The following EVA1C variants were observed in gnomAD, a reference collection of about 807,000 sequenced individuals.
EVA1C encodes the protein eva-1 homolog C, also known as protein eva-1 homolog C.
In EVA1C, 25 loss-of-function variants were observed where a neutral mutation model predicts 45.4. The ratio of observed to expected loss-of-function variants is 0.55; its 90% CI spans 0.40 to 0.77. EVA1C has a LOEUF of 0.77. EVA1C is among the 30% of genes least tolerant of loss of function. The pLI is 0.00. For synonymous variants in EVA1C, 190 were observed against 221.2 expected (o/e 0.86, Z 1.25); for missense variants, 479 against 554.8 (o/e 0.86, Z 1.37).
chr21:32,453,013 C>G, intron 1 of EVA1C: 1 of 309,674 alleles, frequency 3.2e-6, no homozygotes, highest in Non-Finnish European at 6.0e-6. Flanking sequence ...AGTGCCTGTT[C>G]TCACTAAGGT....
intron 1 of EVA1C, among the ~76,000 whole-genome samples, chr21:32,434,653 T>C (rs2034864982): frequency 6.7e-6 from 1 of 148,746 alleles, no homozygotes; most frequent in South Asian, 2.1e-4. Context: ...TATATAGATA[T>C]AGATATGGAA....
chr21:32,437,891 C>G (rs11911964), intron 1 of EVA1C, among the ~76,000 whole-genome samples: 24,305 of 152,202 alleles, frequency 0.16, 2,358 homozygotes, highest in East Asian at 0.27. Context: ...CTTTTGCTCT[C>G]TAATGGCATC....
At chr21:32,430,354 C>T (rs564659831) in intron 1 of EVA1C, among the ~76,000 whole-genome samples, 7 of 152,244 alleles carry the variant, frequency 4.6e-5, no homozygotes, top group African/African-American at 1.7e-4. Flanking sequence ...ACAGGACCCG[C>T]CAGCAATACC....
At chr21:32,468,231 T>C (rs900348163) in intron 4 of EVA1C, among the ~76,000 whole-genome samples, 7 of 151,798 alleles carry the variant, frequency 4.6e-5, no homozygotes, top group Middle Eastern at 6.3e-3. Flanking sequence ...TAGCCAGGCA[T>C]GGTGGCGGGC....
At chr21:32,477,335 C>A (rs1227479053) in intron 4 of EVA1C, among the ~76,000 whole-genome samples, 4 of 152,150 alleles carry the variant, frequency 2.6e-5, no homozygotes, top group African/African-American at 9.7e-5. Flanking sequence ...GATTTCATTA[C>A]CCCGGCAACC....
In EVA1C at chr21:32,514,811, C is replaced by T; in HGVS notation, c.950-3C>T. The T allele has an allele frequency of 6.5e-7, 1 of 1,540,170 alleles. No homozygotes were observed. The highest frequency in any genetic ancestry group is 8.8e-7 in the Non-Finnish European group (1 of 1,142,390). On this transcript the variant is annotated splice_region_variant and splice_polypyrimidine_tract_variant and intron_variant, in intron 7 of 7. Coordinates refer to ENST00000300255, the MANE Select transcript of EVA1C (RefSeq NM_058187.5). The stretch of plus-strand genomic sequence containing the variant: ...CTCCTGACATGTTCTCTTCCTCCTG[C>T]AGCCCACCCGGAGAGAGCTGCCCTG...
chr21:32,480,098 AG>A (rs2036723183), intron 4 of EVA1C, among the ~76,000 whole-genome samples: 1 of 152,106 alleles, frequency 6.6e-6, no homozygotes, highest in South Asian at 2.1e-4. Flanking sequence ...TTCAGCTGTA[AG>A]ATTATTCTAC....
intron 5 of EVA1C, among the ~76,000 whole-genome samples, chr21:32,499,328 C>T (rs1303036987): frequency 6.6e-6 from 1 of 152,208 alleles, no homozygotes; most frequent in African/African-American, 2.4e-5. Context: ...AAGCAATTTG[C>T]AGCAGCTGAG....
intron 2 of EVA1C, 52 bp downstream of exon 2, chr21:32,453,560 T>C (rs2035666942): frequency 2.3e-6 from 3 of 1,280,764 alleles, no homozygotes; most frequent in Admixed American, 3.7e-5. Context: ...CACACACTCT[T>C]TCTCTCTCTC....
intron 4 of EVA1C, among the ~76,000 whole-genome samples, chr21:32,486,723 T>C (rs190553431): frequency 7.2e-5 from 11 of 152,350 alleles, no homozygotes; most frequent in Non-Finnish European, 1.5e-4. Context: ...GTAACACTTA[T>C]GTAGGTTGTA....
At chr21:32,481,996 T>C (rs1039117194) in intron 4 of EVA1C, among the ~76,000 whole-genome samples, 13 of 152,206 alleles carry the variant, frequency 8.5e-5, no homozygotes, top group Non-Finnish European at 1.8e-4. Context: ...AAAGTACCAT[T>C]TCCTACCTGA....
chr21:32,452,518 G>A lies in EVA1C; in HGVS notation c.161-794G>A, dbSNP rs2035619644. 6.6e-6 allele frequency: 1 copy of A among 152,226 alleles called. No homozygotes were observed. Among genetic ancestry groups the A allele is most frequent in the Non-Finnish European group, 1.5e-5 (1 of 68,058 alleles). The allele number at this position is 152,226 out of a possible 1,614,324, so 9.4% of individuals were successfully genotyped here. A position where few individuals can be genotyped will look rare whatever the true frequency, so the allele number is the denominator to read the frequency against. Reference sequence around the variant, plus strand: ...AGCCCCAGTGGGCATGTGTTACAGTGGTCTCCTTCAGTTTTGCCATCTGCA... The same window carrying A: ...AGCCCCAGTGGGCATGTGTTACAGTAGTCTCCTTCAGTTTTGCCATCTGCA... On this transcript the variant is annotated intron_variant, in intron 1 of 7. Transcript: ENST00000300255. This position sits in a 1 kb window ranked among gnomAD's most constrained non-coding sequence, Gnocchi z 4.0.
chr21:32,511,984 G>T (rs1355688074), intron 7 of EVA1C, among the ~76,000 whole-genome samples: 3 of 151,832 alleles, frequency 2.0e-5, no homozygotes, highest in African/African-American at 4.8e-5. Context: ...ATTTTACAGC[G>T]ATATGATATT....
intron 1 of EVA1C, among the ~76,000 whole-genome samples, chr21:32,418,627 C>T (rs1056818939): frequency 1.3e-5 from 2 of 152,148 alleles, no homozygotes; most frequent in African/African-American, 2.4e-5. Flanking sequence ...AACAAAGTTG[C>T]CCAAGACCAC....
intron 1 of EVA1C, among the ~76,000 whole-genome samples, chr21:32,426,930 T>C (rs1172809997): frequency 6.6e-6 from 1 of 152,216 alleles, no homozygotes; most frequent in Non-Finnish European, 1.5e-5. Context: ...ACTCAGTCCA[T>C]CTGAATTTCC....
In EVA1C at chr21:32,422,496, A is replaced by ATATT. The variant is rs2034318884; in HGVS notation, c.160+9485_160+9486insTTTA. On this transcript the variant is annotated intron_variant, in intron 1 of 7. Transcript: ENST00000300255. ...TTCAGAGTTAAGCATTCCAAGGAAG[A>ATATT]TAAATAAAATAAATTTATACCTGAA... is the stretch of plus-strand genomic sequence containing the variant. Among the ~76,000 whole-genome samples, 3 of 152,240 alleles carry ATATT rather than the reference A, an allele frequency of 2.0e-5. No individual in the cohort carries two copies. In the South Asian group the frequency reaches 6.2e-4, roughly 32 times the overall value.
At chr21:32,424,676 C>T (rs1284365303) in intron 1 of EVA1C, among the ~76,000 whole-genome samples, 1 of 152,194 alleles carries the variant, frequency 6.6e-6, no homozygotes, top group Non-Finnish European at 1.5e-5. Flanking sequence ...CTTGAGAACC[C>T]CAGTGCTGTG....
Position 32,412,881 on chromosome 21 carries a change from C to A in EVA1C, c.28C>A (p.Pro10Thr). ...GCTTCTGCCGGGACGCGCACGCCAA[C>A]CGCCGACGCCCCAGCCCGTGCAGCA... MLLPGRARQ[P>T]PTPQPVQHPG... The change falls in exon 1 of 8, where the codon CCG becomes ACG. Residue 10 changes from proline (P) to threonine (T), a missense_variant. Around this residue, in one of 3 missense-constraint regions of EVA1C, gnomAD observed 80 missense variants for 63.8 expected, o/e 1.25. Coordinates refer to ENST00000300255, the MANE Select transcript of EVA1C (RefSeq NM_058187.5). 6.7e-7 allele frequency: 1 copy of A among 1,501,366 alleles called. No individual in the cohort carries two copies. Among genetic ancestry groups the A allele is most frequent in the Admixed American group, 2.2e-5 (1 of 45,726 alleles). 93.0% of individuals were successfully genotyped at this position (1,501,366 alleles called of 1,614,324 possible).
intron 1 of EVA1C, among the ~76,000 whole-genome samples, chr21:32,439,533 C>T (rs2035095655): frequency 6.6e-6 from 1 of 152,198 alleles, no homozygotes; most frequent in African/African-American, 2.4e-5. Context: ...CTGTGACCTT[C>T]CCTCATTCTA....
Sources: allele counts gnomAD v4.1 joint callset (sites outside exome capture counted in the v4.1 genomes callset), GRCh38; gene constraint gnomAD v4.1.1; regional missense constraint gnomAD v4.1.1; non-coding constraint Gnocchi (gnomAD v3.1); transcripts MANE v1.5; gene names NCBI Gene and HGNC (gene_info 2026-07-23, HGNC 2026-07-21).